TDRD10: variants seen among roughly 807,000 people sequenced by gnomAD.
TDRD10 encodes tudor domain containing 10.
In TDRD10, 40 loss-of-function variants were observed where a neutral mutation model predicts 48.0. The observed-to-expected ratio is 0.83, with a 90% CI of 0.65 to 1.09. The LOEUF is 1.09. Ranked by LOEUF, TDRD10 falls within the 50% of genes least tolerant of loss-of-function variation. The probability of loss-of-function intolerance (pLI) is 0.00; values close to 1 mark genes in which losing one functional copy is unlikely to be tolerated. For synonymous variants in TDRD10, 162 were observed against 170.4 expected, an observed-to-expected ratio of 0.95 and a Z score of 0.38; for missense variants, 378 against 434.7, an observed-to-expected ratio of 0.87 and a Z score of 1.16.
intron 4 of TDRD10, among the ~76,000 whole-genome samples, chr1:154,515,117 C>G (rs1693688144): frequency 6.6e-6 from 1 of 152,082 alleles, no homozygotes; most frequent in South Asian, 2.1e-4. Flanking sequence ...ATCCACCCAC[C>G]TCAGCTTCCC....
At chr1:154,506,958 C>G in intron 2 of TDRD10, 53 bp downstream of exon 2, 3 of 1,614,138 alleles carry the variant, frequency 1.9e-6, no homozygotes, top group Non-Finnish European at 2.5e-6. Flanking sequence ...CCCCAGCCTT[C>G]TCTTTCTCCC....
At chr1:154,545,024 G>A (rs1557839524) in intron 11 of TDRD10, 75 bp downstream of exon 11, 6 of 1,567,604 alleles carry the variant, frequency 3.8e-6, no homozygotes, top group Non-Finnish European at 5.2e-6. Flanking sequence ...GACCTGAACA[G>A]GAAGCAGCAT....
intron 6 of TDRD10, among the ~76,000 whole-genome samples, chr1:154,525,421 A>T (rs989137567): frequency 6.6e-6 from 1 of 152,236 alleles, no homozygotes; most frequent in Non-Finnish European, 1.5e-5. Flanking sequence ...AAAGAAACTT[A>T]AAAACACTTA....
At chr1:154,536,316 C>T (rs112674677) in intron 6 of TDRD10, among the ~76,000 whole-genome samples, 29,615 of 152,038 alleles carry the variant, frequency 0.19, 3,108 homozygotes, top group South Asian at 0.23. Flanking sequence ...GCAGAGGTTG[C>T]GGTGAGCTGA....
rs142513708 is a variant in TDRD10, at chr1:154,517,848, G to A, written c.142-2456G>A. On this transcript the variant is annotated intron_variant, in intron 4 of 12. Coordinates refer to ENST00000368482, the MANE Select transcript of TDRD10 (RefSeq NM_182499.4). ...GTACGCATATCGGTGTGCGAGGTGC[G>A]AGTGCCTCTGGGACCTGTACTTAGG... 3.8e-3 allele frequency among the ~76,000 whole-genome samples: 579 copies of A among 152,212 alleles called. 2 individuals are homozygous for A. The highest frequency in any genetic ancestry group is 0.013 in the African/African-American group (560 of 41,534).
In TDRD10 at chr1:154,547,818, G is replaced by C; in HGVS notation, c.*108G>C. ...TCTTGAGGCCTGGGAGGTGAAAAAG[G>C]CCAGACTGTGCCCAGGATTGATTCA... On this transcript the variant is annotated 3_prime_UTR_variant, in exon 13 of 13. Coordinates refer to ENST00000368482, the MANE Select transcript of TDRD10 (RefSeq NM_182499.4). 1.5e-6 allele frequency: 2 copies of C among 1,348,582 alleles called. No individual in the cohort carries two copies. Among genetic ancestry groups the C allele is most frequent in the African/African-American group, 2.9e-5 (2 of 69,086 alleles). 83.5% of individuals were successfully genotyped at this position (1,348,582 alleles called of 1,614,324 possible).
At chr1:154,504,469 A>G (rs1277643773) in intron 1 of TDRD10, among the ~76,000 whole-genome samples, 5 of 152,168 alleles carry the variant, frequency 3.3e-5, no homozygotes, top group South Asian at 2.1e-4. Context: ...TGGCTGCACC[A>G]TTTTACATTC....
At chr1:154,510,078 G>A (rs1308147448) in intron 4 of TDRD10, among the ~76,000 whole-genome samples, 1 of 152,086 alleles carries the variant, frequency 6.6e-6, no homozygotes, top group Non-Finnish European at 1.5e-5. Context: ...AAAGATTTGA[G>A]CTGTGCTTTA....
chr1:154,526,215 AAAAAG>A (rs1315269335), intron 6 of TDRD10, among the ~76,000 whole-genome samples: 62 of 151,586 alleles, frequency 4.1e-4, no homozygotes, highest in African/African-American at 1.4e-3. Flanking sequence ...AAAAAAAAAA[AAAAAG>A]AAACTTGACA....
chr1:154,525,247 A>G (rs2149330783), intron 6 of TDRD10, among the ~76,000 whole-genome samples: 1 of 152,310 alleles, frequency 6.6e-6, no homozygotes, highest in South Asian at 2.1e-4. Context: ...AAAGAGAATC[A>G]TGGCTCTCAC....
At chr1:154,527,135 A>T (rs6701586) in intron 6 of TDRD10, among the ~76,000 whole-genome samples, 119,285 of 151,528 alleles carry the variant, frequency 0.79, 47,568 homozygotes, top group East Asian at 0.92. Flanking sequence ...GGTCTAGAAC[A>T]CCTGACCTTA....
At chr1:154,504,770 G>A (rs1693049187) in intron 1 of TDRD10, among the ~76,000 whole-genome samples, 1 of 151,910 alleles carries the variant, frequency 6.6e-6, no homozygotes, top group African/African-American at 2.4e-5. Context: ...TATTCTTTAG[G>A]TCTTTTTAAA....
intron 6 of TDRD10, among the ~76,000 whole-genome samples, chr1:154,530,168 C>T (rs1694534312): frequency 6.6e-6 from 1 of 151,806 alleles, no homozygotes; most frequent in Non-Finnish European, 1.5e-5. Context: ...GCACCTACCA[C>T]CATGCCCGGC....
chr1:154,514,576 T>TA (rs1232268560), intron 4 of TDRD10, among the ~76,000 whole-genome samples: 1 of 152,160 alleles, frequency 6.6e-6, no homozygotes, highest in Admixed American at 6.5e-5. Flanking sequence ...AACAAAAAGT[T>TA]ACCTCCATCC....
chr1:154,535,413 C>T (rs1258862577), intron 6 of TDRD10, among the ~76,000 whole-genome samples: 1 of 150,284 alleles, frequency 6.7e-6, no homozygotes, highest in South Asian at 2.1e-4. Context: ...AAGCCATCTG[C>T]AGTGGTGTGT....
chr1:154,543,002 G>T (rs78208029), intron 8 of TDRD10, among the ~76,000 whole-genome samples, 181 bp downstream of exon 8: 1 of 152,098 alleles, frequency 6.6e-6, no homozygotes, highest in African/African-American at 2.4e-5. Context: ...CCAGCCGGGG[G>T]CAGTGACTCA....
At chr1:154,519,853 G>A (rs973323474) in intron 4 of TDRD10, among the ~76,000 whole-genome samples, 4 of 152,146 alleles carry the variant, frequency 2.6e-5, no homozygotes, top group Non-Finnish European at 5.9e-5. Flanking sequence ...TAGGAGAGGA[G>A]AAGGGTGTGG....
intron 4 of TDRD10, among the ~76,000 whole-genome samples, chr1:154,513,811 T>A (rs565197059): frequency 3.9e-5 from 6 of 152,348 alleles, no homozygotes; most frequent in Admixed American, 2.6e-4. Flanking sequence ...AGCACTCTTG[T>A]CTATAGAACA....
intron 3 of TDRD10, among the ~76,000 whole-genome samples, 154 bp downstream of exon 3, chr1:154,507,474 G>T (rs944087783): frequency 1.3e-5 from 2 of 152,142 alleles, no homozygotes; most frequent in African/African-American, 4.8e-5. Context: ...CATGTTTCCT[G>T]TCTCATAGTG....
Sources: gnomAD v4.1 joint callset for allele counts (sites outside exome capture counted in the v4.1 genomes callset) on GRCh38, gnomAD v4.1.1 for gene constraint, MANE v1.5 for transcripts, NCBI Gene and HGNC (gene_info 2026-07-23, HGNC 2026-07-21) for gene names.